Variants in RIMS2 observed in about 807,000 individuals in gnomAD.
The protein encoded by RIMS2 is regulating synaptic membrane exocytosis 2, also known as regulating synaptic membrane exocytosis protein 2.
In RIMS2, 59 loss-of-function variants were observed where a neutral mutation model predicts 174.4. The ratio of observed to expected loss-of-function variants is 0.34; its 90% CI spans 0.27 to 0.42. The LOEUF is 0.42. Ranked by LOEUF, RIMS2 falls within the 10% of genes least tolerant of loss-of-function variation. The probability of loss-of-function intolerance (pLI) is 1.00; values close to 1 mark genes in which losing one functional copy is unlikely to be tolerated. For synonymous variants in RIMS2, 606 were observed against 572.5 expected (o/e 1.06, Z -0.84); for missense variants, 1,620 against 1,666.3 (o/e 0.97, Z 0.48).
chr8:104,249,444 A>C (rs1232438968), intron 21 of RIMS2, 43 bp from the exon 28 acceptor site: 2 of 1,033,030 alleles, frequency 1.9e-6, no homozygotes, highest in African/African-American at 1.6e-5. Context: ...TCCTTAGTGC[A>C]TTTGTATATT....
chr8:103,927,796 T>C, intron 10 of RIMS2: 1 of 1,376,092 alleles, frequency 7.3e-7, no homozygotes. Flanking sequence ...CGTGTTGTCC[T>C]TTTTGGTTTT....
intron 19 of RIMS2, among the ~76,000 whole-genome samples, chr8:104,196,419 T>C (rs2099024756): frequency 6.6e-6 from 1 of 152,160 alleles, no homozygotes; most frequent in Admixed American, 6.5e-5. Context: ...CTTATTTTCC[T>C]TTTAAGCTTT....
chr8:103,710,985 A>AGATAGT (rs1256776118), intron 2 of RIMS2, among the ~76,000 whole-genome samples: 4 of 152,158 alleles, frequency 2.6e-5, no homozygotes, highest in Admixed American at 2.0e-4. Context: ...CTTGAAAGTG[A>AGATAGT]GATAGTGTAT....
chr8:103,740,754 G>T (rs58480013), intron 2 of RIMS2, among the ~76,000 whole-genome samples: 1 of 152,094 alleles, frequency 6.6e-6, no homozygotes, highest in Non-Finnish European at 1.5e-5. Flanking sequence ...AACTGTTACA[G>T]CCTCTTTAAA....
intron 1 of RIMS2, among the ~76,000 whole-genome samples, chr8:103,590,074 TAGAG>T (rs2094173333): frequency 6.6e-6 from 1 of 151,340 alleles, no homozygotes; most frequent in South Asian, 2.1e-4. Flanking sequence ...TGAAATAACT[TAGAG>T]GGTAATTGGA....
intron 2 of RIMS2, among the ~76,000 whole-genome samples, chr8:103,706,556 G>C (rs371811111): frequency 6.6e-6 from 1 of 152,064 alleles, no homozygotes; most frequent in East Asian, 1.9e-4. Flanking sequence ...AAGGATTGCT[G>C]TGTTGAGTAC....
chr8:104,163,343 A>G (rs574528997), intron 19 of RIMS2, among the ~76,000 whole-genome samples: 1 of 152,318 alleles, frequency 6.6e-6, no homozygotes, highest in African/African-American at 2.4e-5. Context: ...AGTGACAAAC[A>G]ATATGGTATG....
intron 3 of RIMS2, among the ~76,000 whole-genome samples, chr8:103,805,644 A>AT (rs1443721924): frequency 6.6e-6 from 1 of 152,086 alleles, no homozygotes; most frequent in African/African-American, 2.4e-5. Context: ...ATTAAACTTT[A>AT]TTTTGACTTC....
chr8:103,957,436 G>C (rs2087775814), intron 14 of RIMS2, among the ~76,000 whole-genome samples: 1 of 152,174 alleles, frequency 6.6e-6, no homozygotes, highest in Admixed American at 6.5e-5. Flanking sequence ...CCATAAAAAG[G>C]ATGAGTTCAT....
At chr8:104,181,766 T>TA (rs1302464110) in intron 19 of RIMS2, among the ~76,000 whole-genome samples, 1 of 151,768 alleles carries the variant, frequency 6.6e-6, no homozygotes, top group Middle Eastern at 3.2e-3. Flanking sequence ...ATTTGATTTT[T>TA]ATGCAGTAAT....
At chr8:103,773,151 AAT>A (rs2154428800) in intron 3 of RIMS2, among the ~76,000 whole-genome samples, 1 of 151,928 alleles carries the variant, frequency 6.6e-6, no homozygotes. Flanking sequence ...TGAAAAAAAA[AAT>A]CCACAACAAA....
rs1352501520 is a variant in RIMS2, at chr8:103,613,915, G to C, written c.177-83171G>C. 2.0e-5 allele frequency among the ~76,000 whole-genome samples: 3 copies of C among 152,140 alleles called. 1 individual carries two copies. The highest frequency in any genetic ancestry group is 2.0e-4 in the Admixed American group (3 of 15,276). On this transcript the variant is annotated intron_variant, in intron 1 of 23. Coordinates refer to ENST00000504942, the Ensembl canonical transcript of RIMS2. ...TGTGGCTGAGTAGGTATGTATTCAA[G>C]GTTCAAGACAAATTTCTTTTTACTT... is the stretch of plus-strand genomic sequence containing the variant.
chr8:103,658,239 T>C (rs1274593994), intron 1 of RIMS2, among the ~76,000 whole-genome samples: 1 of 152,222 alleles, frequency 6.6e-6, no homozygotes, highest in Non-Finnish European at 1.5e-5. Flanking sequence ...ACCAACCTAA[T>C]ATTAAGTTTT....
chr8:103,790,265 C>T (rs1333587304), intron 3 of RIMS2, among the ~76,000 whole-genome samples: 1 of 152,212 alleles, frequency 6.6e-6, no homozygotes, highest in Admixed American at 6.5e-5. Flanking sequence ...TGTCATTCTT[C>T]TCTTTCCTCA....
chr8:103,820,597 A>G (rs1410787247), intron 3 of RIMS2, among the ~76,000 whole-genome samples: 1 of 151,956 alleles, frequency 6.6e-6, no homozygotes, highest in Non-Finnish European at 1.5e-5. Flanking sequence ...TTAATTTAGC[A>G]AATGAAAAAA....
At chr8:103,855,120 C>G (rs1277928917) in intron 3 of RIMS2, among the ~76,000 whole-genome samples, 4 of 151,782 alleles carry the variant, frequency 2.6e-5, no homozygotes, top group African/African-American at 9.7e-5. Flanking sequence ...CATCTATTTC[C>G]TCTGTATTTT....
In RIMS2 at chr8:103,959,542, T is replaced by C. The variant is rs376168904; in HGVS notation, c.2702-1523T>C. Among the ~76,000 whole-genome samples the C allele has an allele frequency of 6.6e-5, 10 of 152,016 alleles. 1 individual carries two copies. The highest frequency in any genetic ancestry group is 5.8e-4 in the East Asian group (3 of 5,172). On this transcript the variant is annotated intron_variant, in intron 14 of 23. Transcript: ENST00000504942. ...CCTCAACCTCCCTAGTAGCTGGGAC[T>C]ACAGGTGCATGCCGCCATGCCTGAC...
chr8:104,041,202 C>A, intron 19 of RIMS2, 124 bp from the exon 22 acceptor site: 1 of 464,100 alleles, frequency 2.2e-6, no homozygotes, highest in South Asian at 4.4e-5. Context: ...TAAAACTGTA[C>A]ACAGGATTCT....
chr8:103,757,688 A>G (rs1038519580), intron 2 of RIMS2, among the ~76,000 whole-genome samples: 1 of 152,208 alleles, frequency 6.6e-6, no homozygotes, highest in African/African-American at 2.4e-5. Context: ...TGATACAGTA[A>G]AGATCTTGAG....
Sources: allele counts gnomAD v4.1 joint callset (sites outside exome capture counted in the v4.1 genomes callset), GRCh38; gene constraint gnomAD v4.1.1; transcripts MANE v1.5; gene names NCBI Gene and HGNC (gene_info 2026-07-23, HGNC 2026-07-21).